The following LRP1 variants were observed in gnomAD, a reference collection of about 807,000 sequenced individuals.
LRP1 encodes the protein LDL receptor related protein 1, also known as prolow-density lipoprotein receptor-related protein 1.
LRP1 carries 51 observed loss-of-function variants against 541.5 expected under a neutral mutation model. The observed-to-expected ratio is 0.09, with a 90% CI of 0.08 to 0.12. The LOEUF is 0.12. Among genes scored for constraint, LRP1 ranks in the 10% least tolerant of loss-of-function variants. The pLI, the probability that LRP1 is intolerant of heterozygous loss-of-function variation, is 1.00. For synonymous variants in LRP1, 2,219 were observed against 2,470.8 expected (o/e 0.90, Z 3.02); for missense variants, 3,878 against 6,376.2 (o/e 0.61, Z 13.34).
chr12:57,194,313 CA>C (rs773095396), intron 48 of LRP1, 40 bp from the exon 49 acceptor site: 3 of 1,505,044 alleles, frequency 2.0e-6, no homozygotes, highest in East Asian at 2.3e-5. Flanking sequence ...GGGGGTGATC[CA>C]GGGGGAACCA....
At chr12:57,169,366 A>C (rs745741991) in intron 20 of LRP1, 59 bp downstream of exon 20, 97 of 1,483,576 alleles carry the variant, frequency 6.5e-5, no homozygotes, top group Non-Finnish European at 8.7e-5. Flanking sequence ...TCAGACACCC[A>C]GCCTATCCAT....
Position 57,154,102 on chromosome 12 carries a change from G to C in LRP1, c.842-106G>C. The C allele has an allele frequency of 6.7e-6, 7 of 1,043,988 alleles. No homozygotes were observed. Among genetic ancestry groups the C allele is most frequent in the Non-Finnish European group, 1.0e-5 (7 of 688,120 alleles). The allele number at this position is 1,043,988 out of a possible 1,614,324, so 64.7% of individuals were successfully genotyped here. A position where few individuals can be genotyped will look rare whatever the true frequency, so the allele number is the denominator to read the frequency against. ...GCATGGGGGTGTTGGGTGGGAGGGCGTCCAGAGAAGGTGGGCTTCCAGGTG... is the reference window on the plus strand; with the variant it reads ...GCATGGGGGTGTTGGGTGGGAGGGCCTCCAGAGAAGGTGGGCTTCCAGGTG... On this transcript the variant is annotated intron_variant, in intron 6 of 88. Transcript: ENST00000243077. The surrounding 1 kb of genome is among the most constrained non-coding windows in gnomAD (Gnocchi z 4.6).
intron 24 of LRP1, among the ~76,000 whole-genome samples, chr12:57,176,414 C>T (rs867207776): frequency 2.0e-5 from 3 of 152,212 alleles, no homozygotes; most frequent in African/African-American, 4.8e-5. Flanking sequence ...CGTACCTGAA[C>T]GCTGCTTTCT....
chr12:57,200,826 G>GGGGGCCCCCCCCC lies in LRP1; in HGVS notation c.10225+11_10225+12insGGGGCCCCCCCCC. On this transcript the variant is annotated intron_variant, in intron 64 of 88. Transcript: ENST00000243077. ...ACGAGGCCAACTGTGGTAAGGCGCT[G>GGGGGCCCCCCCCC]CCCGCCCACCCTCCCTCCTTCCCCA... 2 of 1,581,426 alleles carry GGGGGCCCCCCCCC rather than the reference G, an allele frequency of 1.3e-6. No individual in the cohort carries two copies. The highest frequency in any genetic ancestry group is 1.7e-6 in the Non-Finnish European group (2 of 1,157,668).
At chr12:57,149,828 G>A (rs909675878) in intron 6 of LRP1, 13 of 692,958 alleles carry the variant, frequency 1.9e-5, no homozygotes, top group African/African-American at 3.5e-5. Flanking sequence ...TGCCAGGCTC[G>A]CCAGGAGGTC....
Position 57,178,879 on chromosome 12 carries a change from C to T in LRP1, c.4607-11C>T, listed in dbSNP as rs1259316986. 1 of 1,607,918 alleles carries T rather than the reference C, an allele frequency of 6.2e-7. No individual in the cohort carries two copies. The highest frequency in any genetic ancestry group is 2.2e-5 in the East Asian group (1 of 44,868). On this transcript the variant is annotated splice_polypyrimidine_tract_variant and intron_variant, in intron 27 of 88. Transcript: ENST00000243077. This position sits in a 1 kb window ranked among gnomAD's most constrained non-coding sequence, Gnocchi z 5.8. Reference sequence around the variant, plus strand: ...TGCTCTGGCTTCTTCTCTTCTCCACCCTGCCCCCAGCTCCCAATCCCTGTG... The same window carrying T: ...TGCTCTGGCTTCTTCTCTTCTCCACTCTGCCCCCAGCTCCCAATCCCTGTG...
chr12:57,173,103 C>T lies in LRP1; in HGVS notation c.3164-65C>T, dbSNP rs1247440498. 1 of 1,396,864 alleles carries T rather than the reference C, an allele frequency of 7.2e-7. No individual in the cohort carries two copies. Among genetic ancestry groups the T allele is most frequent in the Non-Finnish European group, 9.8e-7 (1 of 1,024,696 alleles). 86.5% of individuals were successfully genotyped at this position (1,396,864 alleles called of 1,614,324 possible). On this transcript the variant is annotated intron_variant, in intron 20 of 88. Transcript: ENST00000243077. The surrounding 1 kb of genome is among the most constrained non-coding windows in gnomAD (Gnocchi z 4.7). ...CTGGGCTTACCGGGGTGGCAGGGCA[C>T]AGGGATGAGGAGGGCTGACCTGGGC...
chr12:57,166,881 G>C (rs2035850592), intron 17 of LRP1, 49 bp from the exon 18 acceptor site: 1 of 960,594 alleles, frequency 1.0e-6, no homozygotes, highest in African/African-American at 1.6e-5. Flanking sequence ...AAGAGGCAGT[G>C]AAGAGAGGGT....
chr12:57,190,958 C>T lies in LRP1; in HGVS notation c.7185C>T (p.Asp2395=), dbSNP rs376152619. The T allele has an allele frequency of 8.1e-6, 13 of 1,613,100 alleles. No homozygotes were observed. The highest frequency in any genetic ancestry group is 2.7e-5 in the African/African-American group (2 of 75,052). The change falls in exon 43 of 89, where the codon GAC becomes GAT. Residue 2395 remains aspartate (D), a synonymous_variant. Transcript: ENST00000243077. ...GTGCCGAGAAGCTCTACTTCTCTGA[C>T]GCCACCCTGGACAAGATCGAGCGGT... ...DHRAEKLYFS[D]ATLDKIERCE...
At chr12:57,210,544 C>A in intron 82 of LRP1, 64 bp downstream of exon 82, 1 of 1,473,174 alleles carries the variant, frequency 6.8e-7, no homozygotes. Context: ...CCACCCACCA[C>A]CCCACCTCAG....
Position 57,184,696 on chromosome 12 carries a change from A to C in LRP1, c.6187-143A>C, listed in dbSNP as rs1043274516. 3.0e-6 allele frequency: 3 copies of C among 990,092 alleles called. No homozygotes were observed. The highest frequency in any genetic ancestry group is 3.3e-4 in the Middle Eastern group (1 of 3,068). 61.3% of individuals were successfully genotyped at this position (990,092 alleles called of 1,614,324 possible). A position where few individuals can be genotyped will look rare whatever the true frequency, so the allele number is the denominator to read the frequency against. ...TCACCTTATCAGCAGGGCAGTGGGC[A>C]GGAGTGTATGCAGGAGGCAGGAGTG... On this transcript the variant is annotated intron_variant, in intron 38 of 88. Transcript: ENST00000243077. This position sits in a 1 kb window ranked among gnomAD's most constrained non-coding sequence, Gnocchi z 7.8.
chr12:57,143,662 C>G lies in LRP1; in HGVS notation c.329-17C>G, dbSNP rs2035341428. 6.2e-7 allele frequency: 1 copy of G among 1,609,966 alleles called. No homozygotes were observed. The highest frequency in any genetic ancestry group is 1.3e-5 in the African/African-American group (1 of 74,898). On this transcript the variant is annotated splice_polypyrimidine_tract_variant and intron_variant, in intron 3 of 88. Transcript: ENST00000243077. ...GATCTGGCGGCCTGAATATGTGTCT[C>G]TCCTGCCCCCACACAGAGCTCCAAG...
intron 42 of LRP1, among the ~76,000 whole-genome samples, chr12:57,188,257 C>T (rs1334188859): frequency 6.6e-6 from 1 of 152,236 alleles, no homozygotes; most frequent in East Asian, 1.9e-4. Flanking sequence ...TCTAGTGAGC[C>T]ACCCCCTCGC....
chr12:57,128,770 A>C lies in LRP1; in HGVS notation c.-195A>C. ...TCGGGGCAGGGGGCGCACCCCCGTC[A>C]GCAGGCCCTCCCCAAGGGGCTCGGA... On this transcript the variant is annotated 5_prime_UTR_variant, in exon 1 of 89. Coordinates refer to ENST00000243077, the MANE Select transcript of LRP1 (RefSeq NM_002332.3). 2.1e-6 allele frequency: 1 copy of C among 465,694 alleles called. No individual in the cohort carries two copies. Among genetic ancestry groups the C allele is most frequent in the Non-Finnish European group, 3.9e-6 (1 of 258,074 alleles). The allele number at this position is 465,694 out of a possible 1,614,324, so 28.8% of individuals were successfully genotyped here.
Position 57,211,605 on chromosome 12 carries a change from C to T in LRP1, c.13193+17C>T. The stretch of plus-strand genomic sequence containing the variant: ...TGAGTGCCAGTGAGTTGGGCCCGGG[C>T]TTCACCCAGGCATAGATCATCGCTC... On this transcript the variant is annotated intron_variant, in intron 85 of 88. Transcript: ENST00000243077. The surrounding 1 kb of genome is among the most constrained non-coding windows in gnomAD (Gnocchi z 4.3). 3 of 1,612,356 alleles carry T rather than the reference C, an allele frequency of 1.9e-6. No individual in the cohort carries two copies. The South Asian group carries it at 3.3e-5, about 18-fold the overall frequency.
rs1390184020 is a variant in LRP1 at position 57,211,763 on chromosome 12, A to G, written c.13207A>G (p.Met4403Val). 6.2e-7 allele frequency: 1 copy of G among 1,612,998 alleles called. No individual in the cohort carries two copies. Among genetic ancestry groups the G allele is most frequent in the Non-Finnish European group, 8.5e-7 (1 of 1,179,886 alleles). Residue 4403 changes from methionine to valine, a missense_variant, in exon 86 of 89, where the codon ATG becomes GTG. Transcript: ENST00000243077. The surrounding 1 kb of genome is among the most constrained non-coding windows in gnomAD (Gnocchi z 4.3). ...TCCTTTCTGCAGGTGCCCACCCCAC[A>G]TGACAGGGCCCCGGTGTGAGGAGCA... is the stretch of plus-strand genomic sequence containing the variant. Reference protein sequence around the residue: ...MMPECQCPPHMTGPRCEEHVF... With the variant: ...MMPECQCPPHVTGPRCEEHVF...
Position 57,177,055 on chromosome 12 carries a change from G to A in LRP1, c.4006G>A (p.Glu1336Lys), listed in dbSNP as rs1555184502. The A allele has an allele frequency of 6.2e-7, 1 of 1,614,032 alleles. No individual in the cohort carries two copies. The change falls in exon 25 of 89, where the codon GAG (glutamate) becomes AAG (lysine). Residue 1336 changes from glutamate to lysine, a missense_variant. By Grantham distance (56) the Glu-to-Lys change is moderately conservative (BLOSUM62 1). Transcript: ENST00000243077. The surrounding 1 kb of genome is among the most constrained non-coding windows in gnomAD (Gnocchi z 6.8). ...LLDNGALTSF[E>K]VVIQYGLATP... is the part of the protein sequence containing the mutation. Reference sequence around the variant, plus strand: ...CTCTTCTCCAGCCCTGACTAGTTTCGAGGTGGTGATTCAGTATGGCCTGGC... The same window carrying A: ...CTCTTCTCCAGCCCTGACTAGTTTCAAGGTGGTGATTCAGTATGGCCTGGC...
chr12:57,189,783 G>A lies in LRP1; in HGVS notation c.7032-1022G>A, dbSNP rs1321170948. 2.0e-5 allele frequency among the ~76,000 whole-genome samples: 3 copies of A among 152,122 alleles called. No homozygotes were observed. Among genetic ancestry groups the A allele is most frequent in the South Asian group, 4.2e-4 (2 of 4,816 alleles). ...GGAGCTGGCTTTTGTGTGGCTTGGT[G>A]GTCTCAGACTCCACTGTGCCTAAGG... On this transcript the variant is annotated intron_variant, in intron 42 of 88. Transcript: ENST00000243077. This position sits in a 1 kb window ranked among gnomAD's most constrained non-coding sequence, Gnocchi z 4.4.
chr12:57,148,885 C>T (rs1416077772), intron 6 of LRP1: 2 of 538,172 alleles, frequency 3.7e-6, no homozygotes, highest in African/African-American at 3.9e-5. Flanking sequence ...GGCCCCTAGG[C>T]TGCAGGCAGC....
Sources: allele counts gnomAD v4.1 joint callset (sites outside exome capture counted in the v4.1 genomes callset), GRCh38; gene constraint gnomAD v4.1.1; non-coding constraint Gnocchi (gnomAD v3.1); transcripts MANE v1.5; gene names NCBI Gene and HGNC (gene_info 2026-07-23, HGNC 2026-07-21).